The following SERPINI1 variants were observed in gnomAD, a reference collection of about 807,000 sequenced individuals.
SERPINI1 encodes the protein serpin family I member 1.
Under a neutral mutation model 41.1 loss-of-function variants are expected in SERPINI1, and 19 were observed. The observed-to-expected ratio is 0.46, with a 90% CI of 0.32 to 0.68. The LOEUF (loss-of-function observed/expected upper bound fraction) is 0.68. Among genes scored for constraint, SERPINI1 ranks in the 30% least tolerant of loss-of-function variants. The pLI is 0.03. For missense variants in SERPINI1, 460 were observed against 479.2 expected (o/e 0.96, Z 0.37); for synonymous variants, 138 against 156.6 (o/e 0.88, Z 0.89).
intron 1 of SERPINI1, among the ~76,000 whole-genome samples, chr3:167,758,689 A>T (rs576524990): frequency 6.6e-6 from 1 of 152,192 alleles, no homozygotes; most frequent in Non-Finnish European, 1.5e-5. Context: ...ATGGGATCCT[A>T]GATAAAATCC....
At chr3:167,802,999 T>G (rs1711504574) in intron 5 of SERPINI1, among the ~76,000 whole-genome samples, 1 of 151,602 alleles carries the variant, frequency 6.6e-6, no homozygotes, top group African/African-American at 2.4e-5. Context: ...AAATTGGAAA[T>G]CATCATTCTC....
chr3:167,782,763 C>T (rs1292092662), intron 1 of SERPINI1, among the ~76,000 whole-genome samples: 3 of 152,090 alleles, frequency 2.0e-5, no homozygotes, highest in Non-Finnish European at 4.4e-5. Flanking sequence ...AGCGGGTATT[C>T]ATGAAGGAGA....
intron 6 of SERPINI1, among the ~76,000 whole-genome samples, chr3:167,813,051 A>T (rs915480682): frequency 6.6e-6 from 1 of 152,252 alleles, no homozygotes; most frequent in Non-Finnish European, 1.5e-5. Context: ...AATAAAATAA[A>T]GGAATTAAGA....
intron 6 of SERPINI1, among the ~76,000 whole-genome samples, chr3:167,817,405 T>G (rs781595539): frequency 1.4e-4 from 21 of 152,228 alleles, no homozygotes; most frequent in Non-Finnish European, 2.4e-4. Flanking sequence ...CTAGAACGGT[T>G]TTACAACAGG....
intron 6 of SERPINI1, among the ~76,000 whole-genome samples, chr3:167,812,640 CAT>C (rs1176767164): frequency 2.0e-5 from 3 of 152,344 alleles, no homozygotes; most frequent in African/African-American, 2.4e-5. Flanking sequence ...GATTCTTACA[CAT>C]GTTTCCTATA....
Position 167,790,386 on chromosome 3 carries a change from T to C in SERPINI1, c.265T>C (p.Phe89Leu), listed in dbSNP as rs1727462141. ...TCATCTTTCAGGTGAAGAATTTTCT[T>C]TCTTGAAGGAGTTTTCAAACATGGT... ...DSLKNGEEFS[F>L]LKEFSNMVTA... The change falls in exon 3 of 9, where the codon TTC becomes CTC. Residue 89 changes from phenylalanine to leucine, a missense_variant. Transcript: ENST00000446050. 6.2e-7 allele frequency: 1 copy of C among 1,612,098 alleles called. No homozygotes were observed. Among genetic ancestry groups the C allele is most frequent in the African/African-American group, 1.3e-5 (1 of 75,016 alleles).
intron 2 of SERPINI1, among the ~76,000 whole-genome samples, chr3:167,789,819 G>T (rs1024282038): frequency 4.6e-5 from 7 of 152,170 alleles, no homozygotes; most frequent in African/African-American, 1.7e-4. Flanking sequence ...TTTTTTTGAA[G>T]TGTTATCTTA....
At chr3:167,797,062 A>G (rs770376808) in intron 5 of SERPINI1, among the ~76,000 whole-genome samples, 11 of 152,150 alleles carry the variant, frequency 7.2e-5, no homozygotes, top group South Asian at 4.1e-4. Flanking sequence ...TCTGACTGGC[A>G]TGAGATGGTA....
chr3:167,770,102 TATAAC>T (rs1381144550), intron 1 of SERPINI1, among the ~76,000 whole-genome samples: 2 of 151,668 alleles, frequency 1.3e-5, no homozygotes, highest in East Asian at 3.9e-4. Context: ...TATATTCAGA[TATAAC>T]ATATGCATAT....
chr3:167,750,302 A>G (rs779887964), intron 1 of SERPINI1, among the ~76,000 whole-genome samples: 2 of 152,244 alleles, frequency 1.3e-5, no homozygotes, highest in Non-Finnish European at 1.5e-5. Flanking sequence ...GATTAATTAC[A>G]CATTATGTAA....
intron 6 of SERPINI1, among the ~76,000 whole-genome samples, chr3:167,813,666 C>T (rs940382471): frequency 1.3e-5 from 2 of 152,184 alleles, no homozygotes; most frequent in Admixed American, 6.5e-5. Context: ...TTTGCACACA[C>T]CTCTGTTAGC....
At chr3:167,755,029 G>T (rs1483040363) in intron 1 of SERPINI1, among the ~76,000 whole-genome samples, 1 of 152,066 alleles carries the variant, frequency 6.6e-6, no homozygotes, top group African/African-American at 2.4e-5. Context: ...GAACTGTTCT[G>T]CTGTCTGATC....
At chr3:167,824,234 AGAAATTGT>A (rs1018300799) in intron 7 of SERPINI1, among the ~76,000 whole-genome samples, 5 of 149,198 alleles carry the variant, frequency 3.4e-5, no homozygotes, top group Admixed American at 2.6e-4. Context: ...AGTAGAAGGA[AGAAATTGT>A]TTGTTTGTTT....
At chr3:167,810,372 A>G (rs368597372) in intron 6 of SERPINI1, among the ~76,000 whole-genome samples, 2 of 152,162 alleles carry the variant, frequency 1.3e-5, no homozygotes, top group South Asian at 2.1e-4. Flanking sequence ...GCTTACCTCA[A>G]TATATTACAG....
At chr3:167,761,745 C>T (rs1157448054) in intron 1 of SERPINI1, among the ~76,000 whole-genome samples, 1 of 152,160 alleles carries the variant, frequency 6.6e-6, no homozygotes, top group Non-Finnish European at 1.5e-5. Flanking sequence ...TTCTGGGGTG[C>T]AGCTCAGCAA....
At chr3:167,807,736 G>A (rs1033917843) in intron 6 of SERPINI1, among the ~76,000 whole-genome samples, 3 of 152,146 alleles carry the variant, frequency 2.0e-5, no homozygotes, top group Non-Finnish European at 2.9e-5. Context: ...TGACTGCTGT[G>A]AGAGCTAGAC....
At chr3:167,793,774 T>G (rs1284498785) in intron 4 of SERPINI1, among the ~76,000 whole-genome samples, 1 of 150,802 alleles carries the variant, frequency 6.6e-6, no homozygotes, top group African/African-American at 2.4e-5. Flanking sequence ...ACATACAGGT[T>G]TTATATGTAG....
chr3:167,823,490 T>C (rs1712410678), intron 7 of SERPINI1, among the ~76,000 whole-genome samples: 1 of 152,230 alleles, frequency 6.6e-6, no homozygotes, highest in South Asian at 2.1e-4. Context: ...ATGGCAAATG[T>C]ATATATTTAT....
At chr3:167,793,592 A>ATTTT (rs1407073250) in intron 4 of SERPINI1, among the ~76,000 whole-genome samples, 1,165 of 103,450 alleles carry the variant, frequency 0.011, 25 homozygotes, top group African/African-American at 0.048. Flanking sequence ...ATATATATAT[A>ATTTT]TATATTTTTA....
Sources: gnomAD v4.1 joint callset for allele counts (sites outside exome capture counted in the v4.1 genomes callset) on GRCh38, gnomAD v4.1.1 for gene constraint, MANE v1.5 for transcripts, NCBI Gene and HGNC (gene_info 2026-07-23, HGNC 2026-07-21) for gene names.